Variants in EPHA6 observed in about 807,000 individuals in gnomAD.
EPHA6 encodes ephrin type-A receptor 6.
A neutral mutation model predicts 112.0 loss-of-function variants in EPHA6; 50 were observed. The observed-to-expected ratio is 0.45, with a 90% CI of 0.36 to 0.56. The LOEUF (loss-of-function observed/expected upper bound fraction) is 0.56, where lower values mean the gene tolerates loss of function less well. Among genes scored for constraint, EPHA6 ranks in the 20% least tolerant of loss-of-function variants. The probability of loss-of-function intolerance (pLI) is 0.00; values close to 1 mark genes in which losing one functional copy is unlikely to be tolerated. For missense variants in EPHA6, 1,280 were observed against 1,417.4 expected, an observed-to-expected ratio of 0.90 and a Z score of 1.56; for synonymous variants, 529 against 490.7, an observed-to-expected ratio of 1.08 and a Z score of -1.03.
At chr3:96,915,955 G>A (rs1162722054) in intron 2 of EPHA6, among the ~76,000 whole-genome samples, 1 of 152,084 alleles carries the variant, frequency 6.6e-6, no homozygotes, top group Non-Finnish European at 1.5e-5. Flanking sequence ...ATGCAAAGTG[G>A]TAAAATGCAG....
At chr3:97,317,645 T>C (rs2081909401) in intron 5 of EPHA6, among the ~76,000 whole-genome samples, 1 of 152,024 alleles carries the variant, frequency 6.6e-6, no homozygotes, top group African/African-American at 2.4e-5. Flanking sequence ...TTTTAATTTG[T>C]GACTTCGTGA....
At chr3:97,202,382 G>A (rs958239029) in intron 3 of EPHA6, among the ~76,000 whole-genome samples, 7 of 150,386 alleles carry the variant, frequency 4.7e-5, no homozygotes, top group African/African-American at 7.4e-5. Context: ...ATGGAGTCTC[G>A]CTCTGTCACT....
At chr3:97,623,685 A>T (rs2093831905) in intron 13 of EPHA6, among the ~76,000 whole-genome samples, 1 of 151,618 alleles carries the variant, frequency 6.6e-6, no homozygotes, top group Admixed American at 6.6e-5. Context: ...CATTAATCCC[A>T]TTCATGAGGA....
chr3:97,594,727 A>G (rs927156660), intron 12 of EPHA6, among the ~76,000 whole-genome samples: 1 of 152,228 alleles, frequency 6.6e-6, no homozygotes, highest in African/African-American at 2.4e-5. Flanking sequence ...TAAAAAAACT[A>G]AAGTATTTCT....
At chr3:97,122,733 G>A (rs2048075077) in intron 3 of EPHA6, among the ~76,000 whole-genome samples, 1 of 151,950 alleles carries the variant, frequency 6.6e-6, no homozygotes, top group Non-Finnish European at 1.5e-5. Flanking sequence ...TCTGAAGAGT[G>A]TTAATTGTAT....
chr3:97,316,275 G>C (rs537854490), intron 5 of EPHA6, among the ~76,000 whole-genome samples: 64 of 151,790 alleles, frequency 4.2e-4, no homozygotes, highest in Non-Finnish European at 8.1e-4. Flanking sequence ...GCTTGCTGAA[G>C]AAAAAATAAT....
At position 96,977,350 on chromosome 3, in the gene EPHA6, C is replaced by T. The variant is rs547373684; in HGVS notation, c.451-9980C>T. On this transcript the variant is annotated intron_variant, in intron 2 of 17. Coordinates refer to ENST00000389672, the MANE Select transcript of EPHA6 (RefSeq NM_001080448.3). ...TAGATGTACACTGTGGAATGATAGA[C>T]AATGGAGACTTGGAAAGGTGAAAGG... 5.9e-5 allele frequency among the ~76,000 whole-genome samples: 9 copies of T among 152,050 alleles called. No individual in the cohort carries two copies. The South Asian group carries it at 1.9e-3, about 32-fold the overall frequency.
intron 3 of EPHA6, among the ~76,000 whole-genome samples, chr3:97,178,610 C>G (rs1274826292): frequency 6.6e-6 from 1 of 152,054 alleles, no homozygotes; most frequent in Non-Finnish European, 1.5e-5. Context: ...GATATTTTCA[C>G]CAGATATACT....
intron 14 of EPHA6, among the ~76,000 whole-genome samples, chr3:97,701,633 T>A (rs774069267): frequency 4.7e-5 from 7 of 150,136 alleles, no homozygotes; most frequent in Non-Finnish European, 7.4e-5. Context: ...TATATATATA[T>A]AATATCATTT....
chr3:97,267,097 C>T (rs1159293951), intron 5 of EPHA6, among the ~76,000 whole-genome samples: 3 of 152,108 alleles, frequency 2.0e-5, no homozygotes, highest in Admixed American at 6.5e-5. Context: ...GTTGCCTACA[C>T]TTTTTGTTAT....
At chr3:97,281,864 T>C (rs906130086) in intron 5 of EPHA6, among the ~76,000 whole-genome samples, 1 of 152,178 alleles carries the variant, frequency 6.6e-6, no homozygotes, top group Non-Finnish European at 1.5e-5. Context: ...TTTGGTTGAA[T>C]TTTTTTACAG....
chr3:96,892,450 T>C (rs1182054279), intron 2 of EPHA6, among the ~76,000 whole-genome samples: 1 of 152,098 alleles, frequency 6.6e-6, no homozygotes, highest in African/African-American at 2.4e-5. Context: ...CTCAAACTCA[T>C]GACTTCAAGT....
intron 2 of EPHA6, among the ~76,000 whole-genome samples, chr3:96,890,911 C>A (rs928897686): frequency 3.9e-5 from 6 of 152,080 alleles, no homozygotes; most frequent in Admixed American, 1.3e-4. Flanking sequence ...CATGGTGAAA[C>A]CCTGTCTCTA....
chr3:96,932,328 C>CT (rs1376365870), intron 2 of EPHA6, among the ~76,000 whole-genome samples: 4 of 152,178 alleles, frequency 2.6e-5, no homozygotes, highest in Non-Finnish European at 2.9e-5. Flanking sequence ...ATTCATTCAA[C>CT]TTTTTATCCT....
At chr3:97,464,806 T>C (rs536379065) in intron 7 of EPHA6, among the ~76,000 whole-genome samples, 4 of 152,260 alleles carry the variant, frequency 2.6e-5, no homozygotes, top group East Asian at 3.9e-4. Context: ...AAAATATGCA[T>C]GTACAAAATG....
intron 3 of EPHA6, among the ~76,000 whole-genome samples, chr3:97,221,982 C>T (rs768220450): frequency 5.3e-5 from 8 of 150,768 alleles, no homozygotes; most frequent in African/African-American, 1.7e-4. Flanking sequence ...GAGCCGAGAT[C>T]GCACCACTGC....
chr3:97,601,589 A>G (rs901128967), intron 12 of EPHA6, among the ~76,000 whole-genome samples: 8 of 152,132 alleles, frequency 5.3e-5, no homozygotes, highest in African/African-American at 1.9e-4. Flanking sequence ...TTTCATATTT[A>G]TGTTCACAGA....
chr3:97,146,659 T>C (rs754284905), intron 3 of EPHA6, among the ~76,000 whole-genome samples: 2 of 151,982 alleles, frequency 1.3e-5, no homozygotes, highest in Non-Finnish European at 2.9e-5. Context: ...CTCTTCTTTT[T>C]AAAAAATTTT....
At chr3:97,612,269 T>C in intron 13 of EPHA6, 1 of 284,502 alleles carries the variant, frequency 3.5e-6, no homozygotes, top group Non-Finnish European at 7.1e-6. Context: ...CCATTATGTT[T>C]CTTCAAAAAC....
Sources: allele counts gnomAD v4.1 joint callset (sites outside exome capture counted in the v4.1 genomes callset), GRCh38; gene constraint gnomAD v4.1.1; transcripts MANE v1.5; gene names NCBI Gene and HGNC (gene_info 2026-07-23, HGNC 2026-07-21).